PAAF1: variants seen among roughly 807,000 people sequenced by gnomAD.
PAAF1 encodes the protein proteasomal ATPase-associated factor 1.
A neutral mutation model predicts 52.8 loss-of-function variants in PAAF1; 46 were observed. That is an observed-to-expected ratio of 0.87 (90% CI 0.69 to 1.11). The LOEUF (loss-of-function observed/expected upper bound fraction) is 1.11, where lower values mean the gene tolerates loss of function less well. Ranked by LOEUF, PAAF1 falls within the 50% of genes most tolerant of loss-of-function variation. The pLI is 0.00. For missense variants in PAAF1, 424 were observed against 477.4 expected (o/e 0.89, Z 1.04); for synonymous variants, 178 against 172.8 (o/e 1.03, Z -0.24).
At chr11:73,921,264 C>T (rs917650110) in intron 10 of PAAF1, among the ~76,000 whole-genome samples, 1 of 150,868 alleles carries the variant, frequency 6.6e-6, no homozygotes, top group Non-Finnish European at 1.5e-5. Context: ...TGTACCACCG[C>T]ACTCCAGCCT....
At chr11:73,877,689 C>T (rs1948781839) in intron 1 of PAAF1, among the ~76,000 whole-genome samples, 4 of 152,130 alleles carry the variant, frequency 2.6e-5, no homozygotes, top group Admixed American at 2.6e-4. Context: ...AGTTCGAGAC[C>T]AGCCTGACCA....
chr11:73,896,686 C>T (rs1405288082), intron 4 of PAAF1, among the ~76,000 whole-genome samples: 7 of 152,198 alleles, frequency 4.6e-5, no homozygotes, highest in African/African-American at 1.7e-4. Flanking sequence ...GAAAAGTCTC[C>T]CATGTCTACC....
intron 11 of PAAF1, 26 bp from the exon 12 acceptor site, chr11:73,927,259 T>C (rs754053510): frequency 5.1e-6 from 8 of 1,579,322 alleles, no homozygotes; most frequent in Non-Finnish European, 5.2e-6. Flanking sequence ...CAGGCTTCCT[T>C]TGAACTGTGA....
intron 2 of PAAF1, among the ~76,000 whole-genome samples, chr11:73,886,478 A>T (rs1949058562): frequency 6.6e-6 from 1 of 152,088 alleles, no homozygotes; most frequent in Non-Finnish European, 1.5e-5. Flanking sequence ...GATCGAGTCC[A>T]TTCTGGCTAA....
At chr11:73,885,571 G>A (rs1352686123) in intron 2 of PAAF1, among the ~76,000 whole-genome samples, 1 of 151,708 alleles carries the variant, frequency 6.6e-6, no homozygotes, top group Non-Finnish European at 1.5e-5. Context: ...CCTGGTCGTG[G>A]TGGCTCACAC....
intron 2 of PAAF1, 59 bp from the exon 3 acceptor site, chr11:73,887,295 A>G (rs1949087518): frequency 1.5e-6 from 2 of 1,362,424 alleles, no homozygotes; most frequent in Non-Finnish European, 2.0e-6. Flanking sequence ...TGGGTCTTCA[A>G]AGAGAAAAAT....
At chr11:73,900,474 C>G in intron 6 of PAAF1, 54 bp downstream of exon 6, 1 of 1,512,774 alleles carries the variant, frequency 6.6e-7, no homozygotes, top group East Asian at 2.3e-5. Context: ...AGAAATGAAT[C>G]ACTGAAAAGG....
chr11:73,903,915 C>T (rs999250899), intron 6 of PAAF1, among the ~76,000 whole-genome samples: 1 of 151,596 alleles, frequency 6.6e-6, no homozygotes, highest in African/African-American at 2.4e-5. Flanking sequence ...AAAACCCTGT[C>T]TCTACAAAAA....
chr11:73,884,961 G>A (rs1182175985), intron 2 of PAAF1, among the ~76,000 whole-genome samples: 1 of 149,626 alleles, frequency 6.7e-6, no homozygotes, highest in African/African-American at 2.5e-5. Context: ...CCGGGTTCAC[G>A]CCATTCTCCT....
chr11:73,906,601 G>A (rs1331554502), intron 6 of PAAF1, among the ~76,000 whole-genome samples: 1 of 152,166 alleles, frequency 6.6e-6, no homozygotes, highest in East Asian at 1.9e-4. Context: ...TTACACTATA[G>A]TGATTAGGTC....
intron 2 of PAAF1, among the ~76,000 whole-genome samples, chr11:73,882,124 G>A (rs1021767238): frequency 1.3e-5 from 2 of 151,020 alleles, no homozygotes; most frequent in Non-Finnish European, 3.0e-5. Context: ...CAGGTGACCC[G>A]CCTGCCTCAG....
rs1950397496 is a variant in PAAF1, at chr11:73,927,572, T to C, written c.*210T>C. ...AAGAAGGTCATTGTGCCCACTGCAT[T>C]TGTTCCAACTTCTCCTTGTATAAAC... On this transcript the variant is annotated 3_prime_UTR_variant, in exon 12 of 12. Transcript: ENST00000310571. 1.7e-6 allele frequency: 1 copy of C among 589,220 alleles called. No homozygotes were observed. 36.5% of individuals were successfully genotyped at this position (589,220 alleles called of 1,614,324 possible).
At chr11:73,926,254 G>T (rs1478224529) in intron 11 of PAAF1, among the ~76,000 whole-genome samples, 1 of 152,124 alleles carries the variant, frequency 6.6e-6, no homozygotes, top group Non-Finnish European at 1.5e-5. Context: ...TTACAGGCAT[G>T]CGCCACCACA....
intron 7 of PAAF1, among the ~76,000 whole-genome samples, chr11:73,913,564 GA>G (rs1165061439): frequency 6.6e-6 from 1 of 151,964 alleles, no homozygotes; most frequent in Non-Finnish European, 1.5e-5. Flanking sequence ...ATCACTTTCT[GA>G]AAGTATCCTA....
At chr11:73,890,914 A>G (rs996021013) in intron 3 of PAAF1, among the ~76,000 whole-genome samples, 198 bp from the exon 4 acceptor site, 11 of 152,176 alleles carry the variant, frequency 7.2e-5, no homozygotes, top group Non-Finnish European at 7.3e-5. Flanking sequence ...ACCAAATTAC[A>G]CTGTAGCCCT....
intron 6 of PAAF1, among the ~76,000 whole-genome samples, chr11:73,907,215 A>G (rs563727165): frequency 1.3e-5 from 2 of 152,256 alleles, no homozygotes; most frequent in South Asian, 4.2e-4. Context: ...TATAAAATCG[A>G]TAGGCATTTT....
chr11:73,927,336 C>G lies in PAAF1; in HGVS notation c.1153C>G (p.Arg385Gly), dbSNP rs755161935. The G allele has an allele frequency of 9.9e-6, 16 of 1,613,884 alleles. No homozygotes were observed. The highest frequency in any genetic ancestry group is 1.3e-5 in the African/African-American group (1 of 74,888). The change falls in exon 12 of 12, where the codon CGA (arginine) becomes GGA (glycine). Residue 385 changes from arginine (R) to glycine (G), a missense_variant. Transcript: ENST00000310571. ...IYTCCRDGLVRRYQLSDL is the reference protein window; with the variant it reads ...IYTCCRDGLVGRYQLSDL The stretch of plus-strand genomic sequence containing the variant: ...CACATGCTGTCGAGACGGTCTTGTA[C>G]GACGCTACCAGCTTTCTGACCTCTG...
chr11:73,879,086 TC>T, intron 2 of PAAF1: 1 of 231,624 alleles, frequency 4.3e-6, no homozygotes, highest in East Asian at 8.3e-5. Flanking sequence ...GCTATTGTAT[TC>T]TAAGCACTTC....
At chr11:73,925,219 G>A (rs1950322017) in intron 11 of PAAF1, among the ~76,000 whole-genome samples, 1 of 149,972 alleles carries the variant, frequency 6.7e-6, no homozygotes. Context: ...CACTTTTGGA[G>A]GCTGAAGCAG....
Sources: gnomAD v4.1 joint callset for allele counts (sites outside exome capture counted in the v4.1 genomes callset) on GRCh38, gnomAD v4.1.1 for gene constraint, MANE v1.5 for transcripts, NCBI Gene and HGNC (gene_info 2026-07-23, HGNC 2026-07-21) for gene names.